APOLD1: variants seen among roughly 807,000 people sequenced by gnomAD.
APOLD1 encodes apolipoprotein L domain containing 1.
Under a neutral mutation model 15.3 loss-of-function variants are expected in APOLD1, and 22 were observed. That is an observed-to-expected ratio of 1.44 (90% CI 1.03 to 2.05). The LOEUF (loss-of-function observed/expected upper bound fraction) is 2.05, where lower values mean the gene tolerates loss of function less well. Ranked by LOEUF, APOLD1 falls within the 30% of genes most tolerant of loss-of-function variation. The probability of loss-of-function intolerance (pLI) is 0.00; values close to 1 mark genes in which losing one functional copy is unlikely to be tolerated. For missense variants in APOLD1, 394 were observed against 353.5 expected, an observed-to-expected ratio of 1.11 and a Z score of -0.92; for synonymous variants, 190 against 167.4, an observed-to-expected ratio of 1.13 and a Z score of -1.04.
At chr12:12,730,024 CTTTGTGTGTG>C (rs1946624126) in intron 1 of APOLD1, among the ~76,000 whole-genome samples, 2 of 101,736 alleles carry the variant, frequency 2.0e-5, no homozygotes, top group South Asian at 8.0e-4. Flanking sequence ...GCCCAGCTAA[CTTTGTGTGTG>C]TGTGTGTGTG....
At chr12:12,741,845 G>T (rs375802717) in intron 1 of APOLD1, among the ~76,000 whole-genome samples, 86 of 152,254 alleles carry the variant, frequency 5.6e-4, no homozygotes, top group African/African-American at 2.0e-3. Context: ...ACTGAGCCTT[G>T]GAGCTGTAGC....
intron 1 of APOLD1, among the ~76,000 whole-genome samples, chr12:12,754,315 A>G (rs1449911172): frequency 1.3e-5 from 2 of 152,052 alleles, no homozygotes; most frequent in African/African-American, 4.8e-5. Flanking sequence ...GGATTGTCCC[A>G]GCCTCCCAAA....
In APOLD1 at chr12:12,775,576, T is replaced by G. The variant is rs1335147578; in HGVS notation, c.97-11333T>G. 2.6e-5 allele frequency among the ~76,000 whole-genome samples: 4 copies of G among 152,178 alleles called. No homozygotes were observed. The East Asian group carries it at 5.8e-4, about 22-fold the overall frequency. Reference sequence around the variant, plus strand: ...CTCTGTATGTTCCACTCAATTTTGTTGCAAATCTAAAACTGCTCTAAAAAA... The same window carrying G: ...CTCTGTATGTTCCACTCAATTTTGTGGCAAATCTAAAACTGCTCTAAAAAA... On this transcript the variant is annotated intron_variant, in intron 1 of 1. Coordinates refer to the APOLD1 transcript ENST00000326765.
In APOLD1 at chr12:12,787,502, T is replaced by G. The variant is rs1947142053; in HGVS notation, c.597T>G (p.Ile199Met). 6.2e-7 allele frequency: 1 copy of G among 1,614,056 alleles called. No homozygotes were observed. The highest frequency in any genetic ancestry group is 2.2e-5 in the East Asian group (1 of 44,872). Reference protein sequence around the residue: ...KVSQAVLKAKIQKLAESLESC... With the variant: ...KVSQAVLKAKMQKLAESLESC... ...GCCAGGCCGTGCTGAAGGCCAAGATTCAGAAACTGGCCGAGAGCCTGGAGT... is the reference window on the plus strand; with the variant it reads ...GCCAGGCCGTGCTGAAGGCCAAGATGCAGAAACTGGCCGAGAGCCTGGAGT... The change falls in exon 2 of 2, where the codon ATT becomes ATG. Residue 199 changes from isoleucine (I) to methionine (M), a missense_variant. Coordinates refer to ENST00000356591, the MANE Select transcript of APOLD1 (RefSeq NM_030817.3). The surrounding 1 kb of genome is among the most constrained non-coding windows in gnomAD (Gnocchi z 4.9).
rs888446302 is a variant in APOLD1 at position 12,787,245 on chromosome 12, T to G, written c.340T>G (p.Ser114Ala). 6.3e-7 allele frequency: 1 copy of G among 1,577,270 alleles called. No homozygotes were observed. Among genetic ancestry groups the G allele is most frequent in the Admixed American group, 1.8e-5 (1 of 56,762 alleles). ...CGATCTCTCGCTGATCTTCTGCAAC[T>G]CCCGGGAGCTGCGGAGGGTGCAGGA... is the stretch of plus-strand genomic sequence containing the variant. ...TSDLSLIFCN[S>A]RELRRVQEIA... Residue 114 changes from serine (S) to alanine (A), a missense_variant, in exon 2 of 2, where the codon TCC becomes GCC. Ser to Ala is a moderately conservative substitution (Grantham distance 99, BLOSUM62 1). Transcript: ENST00000356591. This position sits in a 1 kb window ranked among gnomAD's most constrained non-coding sequence, Gnocchi z 4.9.
intron 1 of APOLD1, among the ~76,000 whole-genome samples, chr12:12,765,204 G>A (rs1407367585): frequency 6.6e-6 from 1 of 152,132 alleles, no homozygotes; most frequent in Non-Finnish European, 1.5e-5. Flanking sequence ...AGGAACCAGA[G>A]AGGAAGGAAT....
intron 1 of APOLD1, among the ~76,000 whole-genome samples, chr12:12,756,699 T>A (rs1344651028): frequency 6.6e-6 from 1 of 152,232 alleles, no homozygotes; most frequent in Non-Finnish European, 1.5e-5. Context: ...CCTGGAAACC[T>A]CTATTCTACT....
At chr12:12,726,383 T>C (rs1441639407) in intron 1 of APOLD1, 1 of 507,322 alleles carries the variant, frequency 2.0e-6, no homozygotes, top group East Asian at 4.4e-5. Flanking sequence ...GGTACGGAAA[T>C]TCTTTTGATA....
At chr12:12,781,593 T>C (rs1339526010), upstream of APOLD1, among the ~76,000 whole-genome samples, 1 of 150,076 alleles carries the variant, frequency 6.7e-6, no homozygotes, top group Non-Finnish European at 1.5e-5. Context: ...AGTGGCATGA[T>C]CTCTGCTCAC....
At chr12:12,759,442 A>T (rs1163708263) in intron 1 of APOLD1, among the ~76,000 whole-genome samples, 1 of 152,170 alleles carries the variant, frequency 6.6e-6, no homozygotes, top group Admixed American at 6.5e-5. Context: ...AAGATGCTAT[A>T]AAGTATATCA....
chr12:12,779,003 G>A (rs1397202663), intron 1 of APOLD1, among the ~76,000 whole-genome samples: 3 of 152,078 alleles, frequency 2.0e-5, no homozygotes, highest in African/African-American at 4.8e-5. Flanking sequence ...TACCCCTTAA[G>A]CCTCATCCTT....
In APOLD1 at chr12:12,787,510, TG is replaced by T; in HGVS notation, c.607del (p.Ala203ProfsTer53). On this transcript the variant is annotated frameshift_variant, in exon 2 of 2. Coordinates refer to ENST00000356591, the MANE Select transcript of APOLD1 (RefSeq NM_030817.3). LOFTEE classifies it high-confidence loss of function. This position sits in a 1 kb window ranked among gnomAD's most constrained non-coding sequence, Gnocchi z 4.9. ...GTGCTGAAGGCCAAGATTCAGAAAC[TG>T]GCCGAGAGCCTGGAGTCCTGCACCG... ...QAVLKAKIQK[L>X]AESLESCTGA... The T allele has an allele frequency of 6.2e-7, 1 of 1,614,018 alleles. No homozygotes were observed. The highest frequency in any genetic ancestry group is 8.5e-7 in the Non-Finnish European group (1 of 1,180,020).
chr12:12,785,520 C>T (rs1274235707), upstream of APOLD1: 1 of 1,086,080 alleles, frequency 9.2e-7, no homozygotes, highest in African/African-American at 1.6e-5. Context: ...AGGTCATTTT[C>T]CACCATGTCA....
intron 1 of APOLD1, among the ~76,000 whole-genome samples, chr12:12,728,422 T>C (rs1946610817): frequency 6.6e-6 from 1 of 151,838 alleles, no homozygotes; most frequent in Non-Finnish European, 1.5e-5. Context: ...TCCGCACACT[T>C]TGGGAGGCTG....
rs1947175085 is a variant in APOLD1, at chr12:12,790,378, T to G, written c.*2726T>G. 1 of 152,220 alleles carries G rather than the reference T, an allele frequency of 6.6e-6. No homozygotes were observed. The highest frequency in any genetic ancestry group is 1.5e-5 in the Non-Finnish European group (1 of 68,036). The allele number at this position is 152,220 out of a possible 1,614,324, so 9.4% of individuals were successfully genotyped here. ...GTTTCACAATCATTTTAAATCATTTTAGAATGTACTTCACATTATTAGTTG... is the reference window on the plus strand; with the variant it reads ...GTTTCACAATCATTTTAAATCATTTGAGAATGTACTTCACATTATTAGTTG... On this transcript the variant is annotated 3_prime_UTR_variant, in exon 2 of 2. Coordinates refer to ENST00000356591, the MANE Select transcript of APOLD1 (RefSeq NM_030817.3).
rs149400938 is a variant in APOLD1, at chr12:12,729,099, G to A, written c.96+3003G>A. On this transcript the variant is annotated intron_variant, in intron 1 of 1. Coordinates refer to the APOLD1 transcript ENST00000326765. ...AATATGTTTGAATTGCTGGTGGGCCGAGTCCTCCACATCTCGATGGGTCCC... is the reference window on the plus strand; with the variant it reads ...AATATGTTTGAATTGCTGGTGGGCCAAGTCCTCCACATCTCGATGGGTCCC... Among the ~76,000 whole-genome samples, 541 of 152,142 alleles carry A rather than the reference G, an allele frequency of 3.6e-3. 1 individual carries two copies. The highest frequency in any genetic ancestry group is 5.5e-3 in the Non-Finnish European group (375 of 68,010).
At chr12:12,771,754 A>G (rs1474044927) in intron 1 of APOLD1, 4 of 305,382 alleles carry the variant, frequency 1.3e-5, no homozygotes, top group Non-Finnish European at 2.6e-5. Flanking sequence ...ATAATGTTCT[A>G]GATTATATAT....
upstream of APOLD1, among the ~76,000 whole-genome samples, chr12:12,782,626 C>T (rs1221089747): frequency 6.6e-6 from 1 of 152,126 alleles, no homozygotes; most frequent in African/African-American, 2.4e-5. Flanking sequence ...GTGATGGTGC[C>T]ATTGCACTCC....
chr12:12,784,048 A>G (rs1169009894), upstream of APOLD1, among the ~76,000 whole-genome samples: 3 of 152,188 alleles, frequency 2.0e-5, no homozygotes, highest in East Asian at 5.8e-4. Flanking sequence ...AACACAGAGA[A>G]AAACAAATTC....
Sources: gnomAD v4.1 joint callset for allele counts (sites outside exome capture counted in the v4.1 genomes callset) on GRCh38, gnomAD v4.1.1 for gene constraint, Gnocchi (gnomAD v3.1) non-coding constraint, MANE v1.5 for transcripts, NCBI Gene and HGNC (gene_info 2026-07-23, HGNC 2026-07-21) for gene names.